Variants in UNC79 observed in about 807,000 individuals in gnomAD.
UNC79 encodes protein unc-79 homolog.
In UNC79, 37 loss-of-function variants were observed where a neutral mutation model predicts 283.1. That is an observed-to-expected ratio of 0.13 (90% CI 0.10 to 0.17). The LOEUF (loss-of-function observed/expected upper bound fraction) is 0.17, where lower values mean the gene tolerates loss of function less well. UNC79 is among the 10% of genes least tolerant of loss of function. The probability of loss-of-function intolerance (pLI) is 1.00; values close to 1 mark genes in which losing one functional copy is unlikely to be tolerated. For synonymous variants in UNC79, 1,107 were observed against 1,200.2 expected (o/e 0.92, Z 1.61); for missense variants, 2,272 against 3,211.1 (o/e 0.71, Z 7.07).
chr14:93,698,124 G>A (rs998006324), intron 47 of UNC79, among the ~76,000 whole-genome samples: 3 of 152,042 alleles, frequency 2.0e-5, no homozygotes, highest in Non-Finnish European at 4.4e-5. Flanking sequence ...TTAAATTATT[G>A]AGACTTGCTT....
intron 25 of UNC79, among the ~76,000 whole-genome samples, chr14:93,602,616 G>GT (rs1457676806): frequency 1.3e-5 from 2 of 152,124 alleles, no homozygotes; most frequent in African/African-American, 4.8e-5. Flanking sequence ...GAATTTTAGA[G>GT]TTGGTTTTCT....
intron 1 of UNC79, among the ~76,000 whole-genome samples, chr14:93,377,341 G>T (rs866891738): frequency 1.1e-4 from 17 of 152,090 alleles, no homozygotes; most frequent in African/African-American, 4.1e-4. Context: ...TGATCCACCC[G>T]CCTCGGCCTC....
At chr14:93,695,214 A>T (rs116010717) in intron 47 of UNC79, among the ~76,000 whole-genome samples, 2,208 of 151,770 alleles carry the variant, frequency 0.015, 43 homozygotes, top group African/African-American at 0.048. Flanking sequence ...ATATTCTATT[A>T]TCTTGGCCAC....
At chr14:93,571,954 C>G (rs1465249070) in exon 15 of UNC79, 1 of 1,614,030 alleles carries the variant, frequency 6.2e-7, no homozygotes, top group Non-Finnish European at 8.5e-7. Flanking sequence ...AGGTCTCAAC[C>G]GAATCCTCTG....
chr14:93,678,484 A>G lies in UNC79; in HGVS notation c.6742-4133A>G, dbSNP rs76973972. Among the ~76,000 whole-genome samples the G allele has an allele frequency of 2.7e-3, 408 of 152,314 alleles. 5 individuals carry two copies. In the East Asian group the frequency reaches 0.028, roughly 11 times the overall value. ...AGCTCACTAAGATGGAACCATTTCT[A>G]TTCTTCTCATAGATAGACCATACCT... On this transcript the variant is annotated intron_variant, in intron 41 of 48. Transcript: ENST00000555664.
At chr14:93,580,864 C>A in intron 19 of UNC79, among the ~76,000 whole-genome samples, 1 of 152,072 alleles carries the variant, frequency 6.6e-6, no homozygotes, top group Admixed American at 6.5e-5. Flanking sequence ...CACCACCATG[C>A]CTGGCTAATT....
At chr14:93,528,422 A>T in intron 8 of UNC79, 136 bp from the exon 9 acceptor site, 1 of 721,414 alleles carries the variant, frequency 1.4e-6, no homozygotes, top group East Asian at 2.8e-5. Context: ...TTTATCGGTA[A>T]AAAGGGTTTT....
intron 40 of UNC79, among the ~76,000 whole-genome samples, chr14:93,672,799 T>C (rs1164330452): frequency 1.3e-5 from 2 of 152,170 alleles, no homozygotes; most frequent in African/African-American, 2.4e-5. Flanking sequence ...AAATATTATG[T>C]ATGAATTTAA....
chr14:93,503,925 T>C (rs140874918), intron 7 of UNC79, among the ~76,000 whole-genome samples: 148 of 152,126 alleles, frequency 9.7e-4, no homozygotes, highest in African/African-American at 3.4e-3. Context: ...CTTTTAGATG[T>C]ATCTGGAATT....
intron 2 of UNC79, among the ~76,000 whole-genome samples, chr14:93,472,528 A>G (rs2057565638): frequency 6.6e-6 from 1 of 152,146 alleles, no homozygotes; most frequent in South Asian, 2.1e-4. Flanking sequence ...GTATTCTGAA[A>G]TTATTTTTAT....
chr14:93,642,551 G>A (rs1423570896), intron 33 of UNC79, among the ~76,000 whole-genome samples: 2 of 152,094 alleles, frequency 1.3e-5, no homozygotes, highest in Non-Finnish European at 1.5e-5. Flanking sequence ...GGTGGTGCCT[G>A]TCTCATGCAG....
At chr14:93,409,003 T>G (rs2055283060) in intron 1 of UNC79, among the ~76,000 whole-genome samples, 1 of 152,238 alleles carries the variant, frequency 6.6e-6, no homozygotes, top group Non-Finnish European at 1.5e-5. Flanking sequence ...AAACACTTTG[T>G]CAATAAAATT....
In UNC79 at chr14:93,467,801, A is replaced by T; in HGVS notation, c.143+10A>T. Reference sequence around the variant, plus strand: ...CTCAGACCTTGTTAAGGTAAGCTTTACAATATCCTCTACTTTGAGAGAATT... The same window carrying T: ...CTCAGACCTTGTTAAGGTAAGCTTTTCAATATCCTCTACTTTGAGAGAATT... On this transcript the variant is annotated intron_variant, in intron 2 of 48. Transcript: ENST00000555664. 1 of 1,497,636 alleles carries T rather than the reference A, an allele frequency of 6.7e-7. No individual in the cohort carries two copies. The highest frequency in any genetic ancestry group is 8.8e-7 in the Non-Finnish European group (1 of 1,133,396). The allele number at this position is 1,497,636 out of a possible 1,614,324, so 92.8% of individuals were successfully genotyped here.
At chr14:93,691,286 G>T in intron 45 of UNC79, 1 of 183,706 alleles carries the variant, frequency 5.4e-6, no homozygotes, top group Non-Finnish European at 1.2e-5. Context: ...TTTCCGCTAG[G>T]AGGAGGATCT....
At chr14:93,518,096 C>T (rs905610716) in intron 7 of UNC79, among the ~76,000 whole-genome samples, 2 of 152,052 alleles carry the variant, frequency 1.3e-5, no homozygotes, top group Non-Finnish European at 2.9e-5. Context: ...GTTCCATTTA[C>T]AGAGTAATAC....
At chr14:93,485,154 A>T (rs191285254) in intron 4 of UNC79, among the ~76,000 whole-genome samples, 1 of 151,636 alleles carries the variant, frequency 6.6e-6, no homozygotes, top group East Asian at 1.9e-4. Flanking sequence ...AACAAAGGTG[A>T]AACACTTGTC....
chr14:93,345,408 AAAAT>A (rs1228529761), intron 1 of UNC79, among the ~76,000 whole-genome samples: 1 of 151,834 alleles, frequency 6.6e-6, no homozygotes, highest in Non-Finnish European at 1.5e-5. Flanking sequence ...TGGCAAGTTC[AAAAT>A]AAATAAATAG....
chr14:93,347,382 CCT>C (rs762249566), intron 1 of UNC79: 4 of 1,549,302 alleles, frequency 2.6e-6, no homozygotes, highest in Non-Finnish European at 3.5e-6. Flanking sequence ...GCCAGCGGCC[CCT>C]GTCTGCCGCG....
At chr14:93,377,326 C>G (rs946387897) in intron 1 of UNC79, among the ~76,000 whole-genome samples, 1 of 152,050 alleles carries the variant, frequency 6.6e-6, no homozygotes, top group Non-Finnish European at 1.5e-5. Flanking sequence ...GATCTCCTAA[C>G]CTCGTGATCC....
Sources: gnomAD v4.1 joint callset for allele counts (sites outside exome capture counted in the v4.1 genomes callset) on GRCh38, gnomAD v4.1.1 for gene constraint, MANE v1.5 for transcripts, NCBI Gene and HGNC (gene_info 2026-07-23, HGNC 2026-07-21) for gene names.